The following BPIFB1 variants were observed in gnomAD, a reference collection of about 807,000 sequenced individuals.
The protein encoded by BPIFB1 is BPI fold containing family B member 1.
A neutral mutation model predicts 55.1 loss-of-function variants in BPIFB1; 34 were observed. That is an observed-to-expected ratio of 0.62 (90% CI 0.47 to 0.82). The LOEUF (loss-of-function observed/expected upper bound fraction) is 0.82. Ranked by LOEUF, BPIFB1 falls within the 40% of genes least tolerant of loss-of-function variation. The pLI, the probability that BPIFB1 is intolerant of heterozygous loss-of-function variation, is 0.00. For missense variants in BPIFB1, 532 were observed against 593.1 expected (o/e 0.90, Z 1.07); for synonymous variants, 236 against 245.3 (o/e 0.96, Z 0.35).
intron 6 of BPIFB1, among the ~76,000 whole-genome samples, chr20:33,295,719 A>G (rs1039189449): frequency 1.3e-4 from 20 of 148,596 alleles, no homozygotes; most frequent in Non-Finnish European, 1.8e-4. Flanking sequence ...GGAAGGAAAA[A>G]GAGAGAGAGG....
intron 3 of BPIFB1, 82 bp downstream of exon 3, chr20:33,288,964 G>A (rs1980362451): frequency 6.8e-7 from 1 of 1,464,786 alleles, no homozygotes. Flanking sequence ...CAGTCAACCA[G>A]TCTGCAAGCA....
At chr20:33,307,894 A>G (rs1358810833) in intron 15 of BPIFB1, 2 of 152,100 alleles carry the variant, frequency 1.3e-5, no homozygotes, top group East Asian at 3.9e-4. Flanking sequence ...AGCCTGGGCA[A>G]CAAGAGTGAA....
intron 1 of BPIFB1, 27 bp from the exon 2 acceptor site, chr20:33,286,006 C>A: frequency 1.3e-6 from 2 of 1,492,052 alleles, no homozygotes; most frequent in Non-Finnish European, 1.9e-6. Flanking sequence ...GGCCCCTCTG[C>A]CTCAGGTCCC....
intron 2 of BPIFB1, among the ~76,000 whole-genome samples, chr20:33,287,877 T>A (rs1980320890): frequency 6.6e-6 from 1 of 152,100 alleles, no homozygotes; most frequent in Non-Finnish European, 1.5e-5. Context: ...ACCAGAGCCA[T>A]GAAGGGAATC....
At chr20:33,289,403 A>C (rs1244995956) in intron 3 of BPIFB1, among the ~76,000 whole-genome samples, 1 of 151,728 alleles carries the variant, frequency 6.6e-6, no homozygotes, top group Non-Finnish European at 1.5e-5. Flanking sequence ...AACAAAAAAA[A>C]AAAAACAACC....
At chr20:33,285,509 C>T (rs192009071) in intron 1 of BPIFB1, among the ~76,000 whole-genome samples, 9 of 151,314 alleles carry the variant, frequency 5.9e-5, no homozygotes, top group African/African-American at 2.0e-4. Flanking sequence ...GTCAGGAGAT[C>T]GAGACCATCC....
intron 15 of BPIFB1, 87 bp downstream of exon 15, chr20:33,307,074 C>A (rs1981055184): frequency 1.6e-6 from 2 of 1,234,638 alleles, no homozygotes; most frequent in South Asian, 1.2e-5. Flanking sequence ...TGCACTCCAA[C>A]CCCAGCCTAC....
intron 2 of BPIFB1, among the ~76,000 whole-genome samples, chr20:33,286,547 G>T (rs1000207093): frequency 2.6e-5 from 4 of 152,188 alleles, no homozygotes; most frequent in African/African-American, 9.7e-5. Flanking sequence ...CTCCTCCCCA[G>T]AGCAGAGACC....
chr20:33,302,751 A>C, intron 10 of BPIFB1, 165 bp from the exon 11 acceptor site: 2 of 773,772 alleles, frequency 2.6e-6, no homozygotes, highest in South Asian at 1.8e-5. Context: ...GCTGCCAGGT[A>C]GGGAGAACAA....
At chr20:33,301,089 C>T in intron 8 of BPIFB1, 144 bp from the exon 9 acceptor site, 1 of 739,930 alleles carries the variant, frequency 1.4e-6, no homozygotes, top group Non-Finnish European at 2.2e-6. Context: ...TAGATGTTGC[C>T]ACACACCTGA....
intron 10 of BPIFB1, chr20:33,302,616 T>G: frequency 1.5e-6 from 1 of 663,314 alleles, no homozygotes; most frequent in Non-Finnish European, 2.7e-6. Context: ...CCATTACAGC[T>G]GCAGTAACAC....
chr20:33,302,748 G>C, intron 10 of BPIFB1, 168 bp from the exon 11 acceptor site: 2 of 772,558 alleles, frequency 2.6e-6, no homozygotes, highest in Non-Finnish European at 2.0e-6. Context: ...AAGGCTGCCA[G>C]GTAGGGAGAA....
rs1270614772 is a variant in BPIFB1, at chr20:33,304,894, A to G, written c.1254+3A>G. ...ACTCTGGGATTGGCTGGTTCCAAGT[A>G]AGTGTTAACAGGTGGTGCCTGAGGG... On this transcript the variant is annotated splice_donor_region_variant and intron_variant, in intron 13 of 15. Coordinates refer to ENST00000253354, the MANE Select transcript of BPIFB1 (RefSeq NM_033197.3). 6 of 1,613,990 alleles carry G rather than the reference A, an allele frequency of 3.7e-6. No homozygotes were observed. Among genetic ancestry groups the G allele is most frequent in the Non-Finnish European group, 5.1e-6 (6 of 1,179,992 alleles).
chr20:33,297,555 G>A lies in BPIFB1; in HGVS notation c.628G>A (p.Gly210Ser), dbSNP rs139466830. 797 of 1,614,168 alleles carry A rather than the reference G, an allele frequency of 4.9e-4. 3 individuals are homozygous for A. In the African/African-American group the frequency reaches 8.1e-3, roughly 16 times the overall value. The change falls in exon 7 of 16, where the codon GGC becomes AGC. Residue 210 changes from glycine to serine, a missense_variant. Transcript: ENST00000253354. ...TCCCGTGATCGAGGCTTCCTTCAATGGCATGTATGCAGACCTCCTGCAGCT... is the reference window on the plus strand; with the variant it reads ...TCCCGTGATCGAGGCTTCCTTCAATAGCATGTATGCAGACCTCCTGCAGCT... The part of the protein sequence containing the change: ...LCPVIEASFN[G>S]MYADLLQLVK...
chr20:33,288,647 G>T lies in BPIFB1; in HGVS notation c.116-94G>T, dbSNP rs2146526182. 4 of 1,469,720 alleles carry T rather than the reference G, an allele frequency of 2.7e-6. No individual in the cohort carries two copies. In the South Asian group the frequency reaches 3.8e-5, roughly 14 times the overall value. The allele number at this position is 1,469,720 out of a possible 1,614,324, so 91.0% of individuals were successfully genotyped here. The stretch of plus-strand genomic sequence containing the variant: ...CTACACCCTCGCCTTACCTCAGGGA[G>T]CCTCGAGTGATACCCCTCCCCAGCC... On this transcript the variant is annotated intron_variant, in intron 2 of 15. Transcript: ENST00000253354.
intron 6 of BPIFB1, among the ~76,000 whole-genome samples, chr20:33,294,521 AT>A (rs374048897): frequency 2.0e-3 from 304 of 152,264 alleles, no homozygotes; most frequent in African/African-American, 6.7e-3. Flanking sequence ...TAACATTGGA[AT>A]TTTCTTATGT....
At chr20:33,299,040 G>T in intron 7 of BPIFB1, 1 of 330,696 alleles carries the variant, frequency 3.0e-6, no homozygotes, top group African/African-American at 2.2e-5. Flanking sequence ...CAGGAGTCAT[G>T]CTCATCGTCT....
At position 33,302,214 on chromosome 20, in the gene BPIFB1, C is replaced by T. The variant is rs1411401002; in HGVS notation, c.928-145C>T. On this transcript the variant is annotated intron_variant, in intron 9 of 15. Coordinates refer to ENST00000253354, the MANE Select transcript of BPIFB1 (RefSeq NM_033197.3). Reference sequence around the variant, plus strand: ...GAAGCTGACCTAGGGGCTGTTTTTCCACCAATGACAGACACATGGCTTGGG... The same window carrying T: ...GAAGCTGACCTAGGGGCTGTTTTTCTACCAATGACAGACACATGGCTTGGG... The T allele has an allele frequency of 1.9e-5, 15 of 788,812 alleles. No homozygotes were observed. In the East Asian group the frequency reaches 3.7e-4, roughly 20 times the overall value. The allele number at this position is 788,812 out of a possible 1,614,324, so 48.9% of individuals were successfully genotyped here.
In BPIFB1 at chr20:33,309,710, T is replaced by C; in HGVS notation, c.1398T>C (p.Asp466=). 4 of 1,614,110 alleles carry C rather than the reference T, an allele frequency of 2.5e-6. No homozygotes were observed. The highest frequency in any genetic ancestry group is 3.4e-6 in the Non-Finnish European group (4 of 1,179,924). The change falls in exon 16 of 16, where the codon GAT becomes GAC. Residue 466 remains aspartate (D), a splice_region_variant and synonymous_variant. Transcript: ENST00000253354. This position sits in a 1 kb window ranked among gnomAD's most constrained non-coding sequence, Gnocchi z 4.4. ...TGACTTTTCCCCTCCAATTCCAGGATGCCCTTGTGCTTACTCCAGCCTCCT... is the reference window on the plus strand; with the variant it reads ...TGACTTTTCCCCTCCAATTCCAGGACGCCCTTGTGCTTACTCCAGCCTCCT... ...FEAAESSLTK[D]ALVLTPASLW...
Sources: allele counts gnomAD v4.1 joint callset (sites outside exome capture counted in the v4.1 genomes callset), GRCh38; gene constraint gnomAD v4.1.1; non-coding constraint Gnocchi (gnomAD v3.1); transcripts MANE v1.5; gene names NCBI Gene and HGNC (gene_info 2026-07-23, HGNC 2026-07-21).